Variants in ZNF324B observed in about 807,000 individuals in gnomAD.
ZNF324B encodes the protein zinc finger protein 324B.
ZNF324B carries 7 observed loss-of-function variants against 10.6 expected under a neutral mutation model. The observed-to-expected ratio is 0.66, with a 90% CI of 0.38 to 1.24. The LOEUF is 1.24. Ranked by LOEUF, ZNF324B falls within the 50% of genes most tolerant of loss-of-function variation. The pLI is 0.02. For synonymous variants in ZNF324B, 316 were observed against 321.0 expected, an observed-to-expected ratio of 0.98 and a Z score of 0.17; for missense variants, 640 against 764.7, an observed-to-expected ratio of 0.84 and a Z score of 1.92.
the ZNF324B span, chr19:58,434,572 T>A: frequency 6.2e-7 from 1 of 1,614,122 alleles, no homozygotes; most frequent in Non-Finnish European, 8.5e-7. Flanking sequence ...CTTACACACA[T>A]GGGGTATTTC....
At position 58,454,220 on chromosome 19, in the gene ZNF324B, C is replaced by T. The variant is rs746385127; in HGVS notation, c.122-8C>T. 2 of 1,606,178 alleles carry T rather than the reference C, an allele frequency of 1.2e-6. No individual in the cohort carries two copies. On this transcript the variant is annotated splice_polypyrimidine_tract_variant and splice_region_variant and intron_variant, in intron 2 of 3. Coordinates refer to ENST00000336614, the MANE Select transcript of ZNF324B (RefSeq NM_207395.3). ...TGGGGCTGGGCTCTCACCTGCTCCT[C>T]CTCACAGGACTCTCTACCTCCCGAC...
the ZNF324B span, chr19:58,443,181 C>G: frequency 6.6e-6 from 1 of 152,210 alleles, no homozygotes. Flanking sequence ...AGCCAATTAG[C>G]TAGACACAGA....
At chr19:58,445,586 CA>C in the ZNF324B span, 1 of 465,258 alleles carries the variant, frequency 2.1e-6, no homozygotes, top group East Asian at 6.0e-5. Flanking sequence ...GAGGCTAAGG[CA>C]GGGGGATCAC....
chr19:58,456,350 T>G lies in ZNF324B; in HGVS notation c.1406T>G (p.Leu469Arg). 3.1e-6 allele frequency: 5 copies of G among 1,612,658 alleles called. No homozygotes were observed. The highest frequency in any genetic ancestry group is 4.2e-6 in the Non-Finnish European group (5 of 1,179,914). The change falls in exon 4 of 4, where the codon CTC becomes CGC. Residue 469 changes from leucine (L) to arginine (R), a missense_variant. By Grantham distance (102) the Leu-to-Arg change is moderately radical. Transcript: ENST00000336614. This position sits in a 1 kb window ranked among gnomAD's most constrained non-coding sequence, Gnocchi z 4.7. ...GGTTTCGCCAAGGGCGCCGTGCTGC[T>G]CAGCCACCGGCGCATTCACACGGGC... is the stretch of plus-strand genomic sequence containing the variant. ...GKGFAKGAVL[L>R]SHRRIHTGEK...
the ZNF324B span, among the ~76,000 whole-genome samples, chr19:58,424,423 T>G: frequency 2.6e-5 from 4 of 152,210 alleles, no homozygotes; most frequent in Non-Finnish European, 4.4e-5. Flanking sequence ...GGGCAAAAGA[T>G]CTGAACAAAT....
At chr19:58,443,891 C>T in the ZNF324B span, 2 of 152,254 alleles carry the variant, frequency 1.3e-5, no homozygotes, top group Non-Finnish European at 2.9e-5. Context: ...CGTGGGCTGC[C>T]TTCTCACAAA....
rs763015226 is a variant in ZNF324B, at chr19:58,456,142, G to A, written c.1198G>A (p.Ala400Thr). The A allele has an allele frequency of 1.2e-6, 2 of 1,613,318 alleles. No individual in the cohort carries two copies. The highest frequency in any genetic ancestry group is 1.1e-5 in the South Asian group (1 of 91,070). The change falls in exon 4 of 4, where the codon GCG becomes ACG. Residue 400 changes from alanine to threonine, a missense_variant. Transcript: ENST00000336614. This position sits in a 1 kb window ranked among gnomAD's most constrained non-coding sequence, Gnocchi z 4.7. Reference sequence around the variant, plus strand: ...CACAGGCGAGAAGCCCTTCGTATGCGCGCTCTGCGGTGCTGCCTTCAGCCA... The same window carrying A: ...CACAGGCGAGAAGCCCTTCGTATGCACGCTCTGCGGTGCTGCCTTCAGCCA... ...THTGEKPFVC[A>T]LCGAAFSQGS...
At chr19:58,432,341 T>G in the ZNF324B span, 2 of 516,692 alleles carry the variant, frequency 3.9e-6, no homozygotes, top group Non-Finnish European at 3.9e-6. Context: ...AATACAAAGG[T>G]CTGTAGCTCT....
At chr19:58,437,741 G>A in the ZNF324B span, 14,074 of 985,304 alleles carry the variant, frequency 0.014, 125 homozygotes, top group Non-Finnish European at 0.016. Flanking sequence ...AGATGCAACC[G>A]GGATCCATTC....
At chr19:58,453,958 A>G in intron 2 of ZNF324B, 136 bp downstream of exon 2, 1 of 1,367,604 alleles carries the variant, frequency 7.3e-7, no homozygotes, top group South Asian at 1.5e-5. Context: ...GTAGACACAA[A>G]GTTTGGTTGG....
chr19:58,451,551 C>G (rs373686381), upstream of ZNF324B: 194 of 511,098 alleles, frequency 3.8e-4, no homozygotes, highest in African/African-American at 3.4e-3. Flanking sequence ...ACCCAGAAGG[C>G]TGTGCGCAAG....
chr19:58,435,422 G>A, the ZNF324B span: 1 of 544,200 alleles, frequency 1.8e-6, no homozygotes, highest in Non-Finnish European at 3.2e-6. Flanking sequence ...CCTCACCAGG[G>A]GTAAGGACAC....
the ZNF324B span, among the ~76,000 whole-genome samples, chr19:58,446,435 T>C: frequency 1.4e-5 from 2 of 147,414 alleles, no homozygotes; most frequent in Non-Finnish European, 2.9e-5. Flanking sequence ...AGTCACTCCC[T>C]GTTTCCTGTT....
the ZNF324B span, among the ~76,000 whole-genome samples, chr19:58,432,530 G>C: frequency 3.3e-5 from 5 of 152,146 alleles, no homozygotes; most frequent in Admixed American, 6.5e-5. Flanking sequence ...CTAGGTCTTT[G>C]CCTTGGTGAC....
At chr19:58,425,295 G>A in the ZNF324B span, among the ~76,000 whole-genome samples, 5 of 151,880 alleles carry the variant, frequency 3.3e-5, no homozygotes, top group African/African-American at 1.2e-4. Flanking sequence ...TATTGCCCAG[G>A]CTGGTCTTAA....
the ZNF324B span, chr19:58,434,464 G>C: frequency 6.2e-7 from 1 of 1,614,176 alleles, no homozygotes. Context: ...GTGGTTGAAG[G>C]TTTTCCCACA....
chr19:58,433,364 G>T, the ZNF324B span: 2 of 1,614,190 alleles, frequency 1.2e-6, no homozygotes, highest in Non-Finnish European at 1.7e-6. Context: ...TTACAAAGAT[G>T]GCTGAAGAGT....
chr19:58,440,087 G>C, the ZNF324B span: 1 of 487,182 alleles, frequency 2.1e-6, no homozygotes, highest in South Asian at 2.7e-5. Flanking sequence ...ACCCACTCCC[G>C]TGCCCTGGTG....
intron 3 of ZNF324B, 152 bp downstream of exon 3, chr19:58,454,496 T>C: frequency 3.2e-6 from 2 of 622,432 alleles, no homozygotes; most frequent in Non-Finnish European, 5.8e-6. Context: ...GGCTGCTGCC[T>C]TAGTAGGTGC....
Sources: gnomAD v4.1 joint callset for allele counts (sites outside exome capture counted in the v4.1 genomes callset) on GRCh38, gnomAD v4.1.1 for gene constraint, Gnocchi (gnomAD v3.1) non-coding constraint, MANE v1.5 for transcripts, NCBI Gene and HGNC (gene_info 2026-07-23, HGNC 2026-07-21) for gene names.